Variants in PSMD6 observed in about 807,000 individuals in gnomAD.
PSMD6 encodes proteasome 26S subunit, non-ATPase 6, also known as 26S proteasome non-ATPase regulatory subunit 6.
A neutral mutation model predicts 44.9 loss-of-function variants in PSMD6; 7 were observed. That is an observed-to-expected ratio of 0.16 (90% CI 0.09 to 0.29). The LOEUF is 0.29. PSMD6 is among the 10% of genes least tolerant of loss of function. The pLI, the probability that PSMD6 is intolerant of heterozygous loss-of-function variation, is 1.00. For synonymous variants in PSMD6, 184 were observed against 172.7 expected (o/e 1.07, Z -0.51); for missense variants, 420 against 482.6 (o/e 0.87, Z 1.21).
At chr3:64,018,337 T>C (rs549235706) in intron 5 of PSMD6, 29 of 303,114 alleles carry the variant, frequency 9.6e-5, no homozygotes, top group African/African-American at 1.3e-4. Flanking sequence ...GCAAGCTACA[T>C]AGCTCTCCGT....
intron 2 of PSMD6, chr3:64,019,711 T>C (rs1576035551): frequency 5.5e-6 from 2 of 366,288 alleles, no homozygotes; most frequent in East Asian, 9.4e-5. Flanking sequence ...AAAAATATAT[T>C]CACAATTGTT....
chr3:64,022,588 C>T, intron 1 of PSMD6, 65 bp from the exon 2 acceptor site: 9 of 1,576,498 alleles, frequency 5.7e-6, no homozygotes, highest in South Asian at 2.3e-5. Flanking sequence ...AGTCTGCCCA[C>T]GTATTTCACC....
chr3:64,023,888 G>A, upstream of PSMD6: 1 of 1,403,156 alleles, frequency 7.1e-7, no homozygotes, highest in South Asian at 1.3e-5. Context: ...CTATTTAGTA[G>A]GTAAGACAAA....
chr3:64,011,441 A>G (rs2075947909), intron 6 of PSMD6: 1 of 152,304 alleles, frequency 6.6e-6, no homozygotes, highest in African/African-American at 2.4e-5. Flanking sequence ...GAAATGATGT[A>G]GAATTATTGC....
At chr3:64,011,215 G>GAA (rs2075939930) in intron 6 of PSMD6, 1 of 307,614 alleles carries the variant, frequency 3.3e-6, no homozygotes, top group African/African-American at 2.2e-5. Flanking sequence ...TGTACTCAGA[G>GAA]AAAAACTGTA....
intron 5 of PSMD6, 130 bp downstream of exon 5, chr3:64,018,469 C>G (rs766375055): frequency 9.0e-6 from 6 of 669,744 alleles, no homozygotes; most frequent in Non-Finnish European, 1.5e-5. Context: ...ATTAGGAATA[C>G]TGATCAAAGA....
Position 64,022,512 on chromosome 3 carries a change from A to T in PSMD6, c.157T>A (p.Tyr53Asn). Reference protein sequence around the residue: ...AAVRDNNMAPYYEALCKSLDW... With the variant: ...AAVRDNNMAPNYEALCKSLDW... ...AGGGATTTGCACAAGGCTTCATAGT[A>T]AGGAGCCATGTCTAACATGCAAAAA... is the stretch of plus-strand genomic sequence containing the variant. The change falls in exon 2 of 8, where the codon TAC becomes AAC. Residue 53 changes from tyrosine (Y) to asparagine (N), a missense_variant. Tyr to Asn is a moderately radical substitution (Grantham distance 143). Transcript: ENST00000295901. 1.9e-6 allele frequency: 3 copies of T among 1,613,844 alleles called. No individual in the cohort carries two copies. Among genetic ancestry groups the T allele is most frequent in the Non-Finnish European group, 2.5e-6 (3 of 1,179,706 alleles).
chr3:64,011,025 A>AAATACTGTCTTAAATTT, intron 6 of PSMD6, 70 bp from the exon 7 acceptor site: 1 of 1,233,776 alleles, frequency 8.1e-7, no homozygotes, highest in Non-Finnish European at 1.1e-6. Context: ...AACGGCATTA[A>AAATACTGTCTTAAATTT]AATACTGTCT....
chr3:64,015,719 C>G (rs1352551954), intron 5 of PSMD6: 9 of 152,072 alleles, frequency 5.9e-5, no homozygotes, highest in Admixed American at 5.2e-4. Flanking sequence ...TAACAGTGCC[C>G]CTGAAGGACA....
Position 64,018,645 on chromosome 3 carries a change from C to T in PSMD6, c.780G>A (p.Leu260=). 1.2e-6 allele frequency: 2 copies of T among 1,603,502 alleles called. No homozygotes were observed. The highest frequency in any genetic ancestry group is 1.7e-6 in the Non-Finnish European group (2 of 1,170,488). Residue 260 remains leucine (L), a synonymous_variant, in exon 5 of 8, where the codon CTG becomes CTA. Coordinates refer to ENST00000295901, the MANE Select transcript of PSMD6 (RefSeq NM_014814.3). ...AGTAACGGCATTCATAGAGTGAAAA[C>T]AGATACTGCCGAACTGCTGGAAGAC... ...LHSLPAVRQY[L]FSLYECRYSV... is the part of the protein sequence containing the mutation.
At chr3:64,021,713 A>G (rs2076135523) in intron 2 of PSMD6, among the ~76,000 whole-genome samples, 1 of 151,918 alleles carries the variant, frequency 6.6e-6, no homozygotes, top group African/African-American at 2.4e-5. Context: ...CGGGAGGCTG[A>G]GGGAGGAGAA....
intron 6 of PSMD6, chr3:64,012,932 G>A (rs1157578810): frequency 2.6e-5 from 4 of 152,220 alleles, no homozygotes; most frequent in African/African-American, 9.7e-5. Flanking sequence ...GTGTGAAAAG[G>A]GAGCTGTAAA....
chr3:64,012,238 TTAAA>T (rs1199494772), intron 6 of PSMD6: 1 of 152,144 alleles, frequency 6.6e-6, no homozygotes, highest in Non-Finnish European at 1.5e-5. Context: ...ATGGTCTTAT[TTAAA>T]AGAAATGCAT....
intron 6 of PSMD6, chr3:64,012,355 C>A (rs1351488433): frequency 6.6e-6 from 1 of 152,124 alleles, no homozygotes; most frequent in African/African-American, 2.4e-5. Flanking sequence ...CTGGACATCC[C>A]ATATTGAGTA....
chr3:64,010,553 A>G lies in PSMD6; in HGVS notation c.*115T>C, dbSNP rs1449978735. On this transcript the variant is annotated 3_prime_UTR_variant, in exon 8 of 8. Transcript: ENST00000295901. ...TGTGTTTAAGAAAAAAATAAATGGA[A>G]AGAAACAACAATGCAGTATTTATTT... The G allele has an allele frequency of 1.4e-6, 1 of 709,310 alleles. No homozygotes were observed. The highest frequency in any genetic ancestry group is 1.8e-5 in the African/African-American group (1 of 54,378). 43.9% of individuals were successfully genotyped at this position (709,310 alleles called of 1,614,324 possible).
At chr3:64,022,715 A>G (rs776689053) in intron 1 of PSMD6, 192 bp from the exon 2 acceptor site, 34 of 1,536,744 alleles carry the variant, frequency 2.2e-5, no homozygotes, top group Admixed American at 1.4e-4. Context: ...GGTTTGCGTG[A>G]CGGCCAATCC....
chr3:64,018,729 TA>T (rs897829122), intron 4 of PSMD6, 22 bp from the exon 5 acceptor site: 11 of 1,516,964 alleles, frequency 7.3e-6, no homozygotes, highest in Non-Finnish European at 9.0e-6. Context: ...AAAAAACATA[TA>T]TACAAAAAAA....
intron 5 of PSMD6, chr3:64,015,707 G>A (rs2076032428): frequency 6.6e-6 from 1 of 152,156 alleles, no homozygotes; most frequent in Non-Finnish European, 1.5e-5. Context: ...CTTATCTCTG[G>A]ATAACAGTGC....
intron 6 of PSMD6, chr3:64,011,601 C>T (rs940846179): frequency 3.3e-5 from 5 of 151,766 alleles, no homozygotes; most frequent in Admixed American, 1.3e-4. Flanking sequence ...ACAACTAGAG[C>T]TCAGTGGTAC....
Sources: allele counts gnomAD v4.1 joint callset (sites outside exome capture counted in the v4.1 genomes callset), GRCh38; gene constraint gnomAD v4.1.1; transcripts MANE v1.5; gene names NCBI Gene and HGNC (gene_info 2026-07-23, HGNC 2026-07-21).